CPLANE1: variants seen among roughly 807,000 people sequenced by gnomAD.
CPLANE1 encodes ciliogenesis and planar polarity effector 1.
CPLANE1 carries 263 observed loss-of-function variants against 362.5 expected under a neutral mutation model. That is an observed-to-expected ratio of 0.73 (90% CI 0.66 to 0.80). The LOEUF (loss-of-function observed/expected upper bound fraction) is 0.80. Ranked by LOEUF, CPLANE1 falls within the 30% of genes least tolerant of loss-of-function variation. The pLI is 0.00. For missense variants in CPLANE1, 3,461 were observed against 3,793.4 expected (o/e 0.91, Z 2.30); for synonymous variants, 1,212 against 1,302.6 (o/e 0.93, Z 1.50).
the CPLANE1 span, among the ~76,000 whole-genome samples, chr5:37,093,645 T>C: frequency 6.6e-6 from 1 of 152,186 alleles, no homozygotes; most frequent in Non-Finnish European, 1.5e-5. Context: ...TGTTATTTAC[T>C]AATTCTAGGA....
chr5:37,164,145 T>C lies in CPLANE1; in HGVS notation c.7588+128A>G, dbSNP rs994707624. ...AACCTGAGTTGAGGGGGGTGGAGTA[T>C]AGGAACCCTTGAATTTGTAGTCAGC... On this transcript the variant is annotated intron_variant, in intron 37 of 52. Coordinates refer to ENST00000651892, the MANE Select transcript of CPLANE1 (RefSeq NM_001384732.1). 4 of 706,772 alleles carry C rather than the reference T, an allele frequency of 5.7e-6. No homozygotes were observed. The East Asian group carries it at 7.6e-5, about 13-fold the overall frequency. 43.8% of individuals were successfully genotyped at this position (706,772 alleles called of 1,614,324 possible).
At chr5:37,174,209 C>G (rs772562484) in intron 31 of CPLANE1, among the ~76,000 whole-genome samples, 4 of 152,106 alleles carry the variant, frequency 2.6e-5, no homozygotes, top group Non-Finnish European at 5.9e-5. Context: ...GTTGCAAACC[C>G]AAGAGCTGAC....
chr5:37,230,833 C>T (rs1480386633), intron 9 of CPLANE1, 34 bp downstream of exon 9: 1 of 1,334,414 alleles, frequency 7.5e-7, no homozygotes, highest in Non-Finnish European at 9.7e-7. Flanking sequence ...GAAAAAAAAT[C>T]TATAAACAAA....
chr5:37,133,562 T>C (rs1472636613), intron 46 of CPLANE1, among the ~76,000 whole-genome samples: 3 of 151,912 alleles, frequency 2.0e-5, no homozygotes, highest in African/African-American at 7.2e-5. Flanking sequence ...CATTCTTGCT[T>C]TGGTTCTCAG....
chr5:37,200,871 T>C (rs949993175), intron 19 of CPLANE1, among the ~76,000 whole-genome samples: 8 of 152,214 alleles, frequency 5.3e-5, no homozygotes, highest in African/African-American at 1.9e-4. Context: ...TCACCCAGGC[T>C]GGAGTGCAGT....
At chr5:37,131,697 A>G (rs1463089502) in intron 46 of CPLANE1, among the ~76,000 whole-genome samples, 2 of 151,908 alleles carry the variant, frequency 1.3e-5, no homozygotes, top group Admixed American at 1.3e-4. Context: ...CACCCAGCTA[A>G]TTTTTTGTAT....
At chr5:37,091,578 A>G in the CPLANE1 span, among the ~76,000 whole-genome samples, 4 of 152,210 alleles carry the variant, frequency 2.6e-5, no homozygotes, top group Admixed American at 2.6e-4. Flanking sequence ...TATTGGCACA[A>G]GCCTTATTTA....
intron 16 of CPLANE1, among the ~76,000 whole-genome samples, chr5:37,208,967 C>T (rs1006080213): frequency 2.0e-5 from 3 of 150,922 alleles, no homozygotes; most frequent in Admixed American, 2.0e-4. Context: ...AAAAAGAAAA[C>T]ATGCGCATGC....
intron 21 of CPLANE1, among the ~76,000 whole-genome samples, chr5:37,190,011 G>A (rs1010648883): frequency 2.7e-5 from 4 of 150,652 alleles, no homozygotes; most frequent in Non-Finnish European, 5.9e-5. Context: ...AAAAAAAAAA[G>A]AAAAGAAAAG....
At chr5:37,219,019 G>A (rs1040310115) in intron 15 of CPLANE1, among the ~76,000 whole-genome samples, 5 of 151,192 alleles carry the variant, frequency 3.3e-5, no homozygotes, top group Admixed American at 1.3e-4. Context: ...AATCACGTAA[G>A]GACAATATTG....
intron 31 of CPLANE1, among the ~76,000 whole-genome samples, chr5:37,174,784 G>A (rs565391450): frequency 2.8e-4 from 42 of 152,134 alleles, no homozygotes; most frequent in Non-Finnish European, 5.0e-4. Flanking sequence ...GCCTTTTATC[G>A]AGCATCTTAA....
Position 37,223,092 on chromosome 5 carries a change from C to T in CPLANE1, c.2581+1161G>A, listed in dbSNP as rs138510357. ...GTTGTCCATCTGCCTCTCAACTTAGCTCTTATGATCCTACCGCCAATATCA... is the reference window on the plus strand; with the variant it reads ...GTTGTCCATCTGCCTCTCAACTTAGTTCTTATGATCCTACCGCCAATATCA... On this transcript the variant is annotated intron_variant, in intron 14 of 52. Transcript: ENST00000651892. Among the ~76,000 whole-genome samples, 462 of 152,316 alleles carry T rather than the reference C, an allele frequency of 3.0e-3. 5 individuals carry two copies. The highest frequency in any genetic ancestry group is 0.011 in the African/African-American group (448 of 41,562).
At chr5:37,140,663 T>A in intron 44 of CPLANE1, 1 of 985,346 alleles carries the variant, frequency 1.0e-6, no homozygotes, top group Non-Finnish European at 1.2e-6. Context: ...CTGGGCTGCA[T>A]ATGGGGAAGT....
chr5:37,246,781 G>C (rs190277074), intron 2 of CPLANE1, among the ~76,000 whole-genome samples: 140 of 152,210 alleles, frequency 9.2e-4, no homozygotes, highest in African/African-American at 3.3e-3. Context: ...GGTGGCATGC[G>C]TCTGTAATCC....
downstream of CPLANE1, among the ~76,000 whole-genome samples, chr5:37,103,656 G>A (rs1757404355): frequency 6.6e-6 from 1 of 152,132 alleles, no homozygotes; most frequent in Non-Finnish European, 1.5e-5. Context: ...GAAATTCTGG[G>A]TTGTTAATTC....
rs1363434592 is a variant in CPLANE1, at chr5:37,227,769, T to G, written c.1170A>C (p.Ser390=). The change falls in exon 10 of 53, where the codon TCA becomes TCC. Residue 390 remains serine, a synonymous_variant. Transcript: ENST00000651892. ...GTCTCATAGGGTCACTATCAGAAGC[T>G]GATGAATCAACAGAATTATTTGAAT... ...FQDSNNSVDS[S]ASDSDPMRQR... The G allele has an allele frequency of 6.4e-7, 1 of 1,551,230 alleles. No individual in the cohort carries two copies. Among genetic ancestry groups the G allele is most frequent in the African/African-American group, 1.4e-5 (1 of 73,062 alleles).
chr5:37,093,425 G>A, the CPLANE1 span, among the ~76,000 whole-genome samples: 1 of 152,128 alleles, frequency 6.6e-6, no homozygotes, highest in Non-Finnish European at 1.5e-5. Context: ...GTTGGGATGA[G>A]GTGAAACAAC....
intron 32 of CPLANE1, among the ~76,000 whole-genome samples, chr5:37,170,806 C>T (rs998623179): frequency 6.6e-5 from 10 of 152,078 alleles, no homozygotes; most frequent in Non-Finnish European, 1.5e-4. Flanking sequence ...TGTGGTGGCA[C>T]GGGCCCGTAG....
chr5:37,176,106 T>G, intron 30 of CPLANE1, 120 bp from the exon 31 acceptor site: 1 of 651,738 alleles, frequency 1.5e-6, no homozygotes, highest in East Asian at 2.6e-5. Context: ...CTATAATGTT[T>G]AGCTCATAAT....
Sources: gnomAD v4.1 joint callset for allele counts (sites outside exome capture counted in the v4.1 genomes callset) on GRCh38, gnomAD v4.1.1 for gene constraint, MANE v1.5 for transcripts, NCBI Gene and HGNC (gene_info 2026-07-23, HGNC 2026-07-21) for gene names.